Variants in SGCD observed in about 807,000 individuals in gnomAD.
SGCD encodes the protein sarcoglycan delta, also known as delta-sarcoglycan.
A neutral mutation model predicts 36.6 loss-of-function variants in SGCD; 18 were observed. The observed-to-expected ratio is 0.49, with a 90% CI of 0.34 to 0.73. SGCD has a LOEUF of 0.73. SGCD is among the 30% of genes least tolerant of loss of function. The probability of loss-of-function intolerance (pLI) is 0.01; values close to 1 mark genes in which losing one functional copy is unlikely to be tolerated. For synonymous variants in SGCD, 133 were observed against 130.6 expected (o/e 1.02, Z -0.12); for missense variants, 387 against 346.7 (o/e 1.12, Z -0.92).
the SGCD span, among the ~76,000 whole-genome samples, chr5:155,751,747 A>G: frequency 6.6e-6 from 1 of 151,564 alleles, no homozygotes; most frequent in African/African-American, 2.4e-5. Flanking sequence ...CACACACATT[A>G]TTTTGCTCAA....
intron 4 of SGCD, among the ~76,000 whole-genome samples, chr5:156,523,242 T>A (rs1757486841): frequency 6.6e-6 from 1 of 152,168 alleles, no homozygotes; most frequent in Non-Finnish European, 1.5e-5. Context: ...TAAGTGGTAA[T>A]TTTTTAATGA....
chr5:156,703,604 A>G (rs1754616405), intron 7 of SGCD, among the ~76,000 whole-genome samples: 1 of 152,216 alleles, frequency 6.6e-6, no homozygotes, highest in Non-Finnish European at 1.5e-5. Context: ...CAACGCTTTT[A>G]CTAAGAAATG....
At chr5:156,699,209 A>C (rs1209835122) in intron 7 of SGCD, among the ~76,000 whole-genome samples, 1 of 152,060 alleles carries the variant, frequency 6.6e-6, no homozygotes, top group Non-Finnish European at 1.5e-5. Flanking sequence ...CACAGACAGG[A>C]TTTTTCTTTT....
intron 7 of SGCD, among the ~76,000 whole-genome samples, chr5:156,720,005 C>T (rs915855344): frequency 1.3e-5 from 2 of 152,204 alleles, no homozygotes; most frequent in Non-Finnish European, 2.9e-5. Context: ...AAATGCCTTA[C>T]TGCTCCTTCC....
At chr5:156,247,072 G>C (rs375198985) in intron 3 of SGCD, among the ~76,000 whole-genome samples, 28 of 152,312 alleles carry the variant, frequency 1.8e-4, no homozygotes, top group Middle Eastern at 6.8e-3. Context: ...AATAGGAAGT[G>C]ATAATGAAGA....
chr5:156,217,713 T>C (rs1764609638), intron 3 of SGCD, among the ~76,000 whole-genome samples: 2 of 152,140 alleles, frequency 1.3e-5, no homozygotes, highest in Non-Finnish European at 2.9e-5. Context: ...AGGCAGGGCA[T>C]AAATAAATTA....
At chr5:155,999,784 T>C (rs144945509) in intron 1 of SGCD, among the ~76,000 whole-genome samples, 33 of 152,304 alleles carry the variant, frequency 2.2e-4, no homozygotes, top group African/African-American at 7.9e-4. Context: ...AATAAAATCA[T>C]AAACAAAATA....
intron 1 of SGCD, among the ~76,000 whole-genome samples, chr5:156,099,056 A>G (rs557801050): frequency 1.3e-5 from 2 of 152,254 alleles, no homozygotes; most frequent in African/African-American, 4.8e-5. Context: ...CATGCCCCCA[A>G]GTTTGGGGTT....
At chr5:156,072,421 T>C (rs1180712418) in intron 1 of SGCD, among the ~76,000 whole-genome samples, 6 of 152,090 alleles carry the variant, frequency 3.9e-5, no homozygotes, top group African/African-American at 7.2e-5. Context: ...AAATTCTGGG[T>C]TGAAAATTCT....
intron 3 of SGCD, among the ~76,000 whole-genome samples, chr5:156,374,829 C>T (rs1349994427): frequency 6.6e-6 from 1 of 152,020 alleles, no homozygotes; most frequent in Non-Finnish European, 1.5e-5. Context: ...ACACTCCAGC[C>T]GTGGTGTGAG....
chr5:156,210,940 A>C (rs1764424545), intron 3 of SGCD, among the ~76,000 whole-genome samples: 2 of 152,070 alleles, frequency 1.3e-5, no homozygotes, highest in South Asian at 2.1e-4. Context: ...GAAAGAGTGA[A>C]TATCCAGGTA....
chr5:156,504,658 T>G (rs1756618492), intron 3 of SGCD, among the ~76,000 whole-genome samples: 1 of 152,148 alleles, frequency 6.6e-6, no homozygotes, highest in Non-Finnish European at 1.5e-5. Context: ...ACTCTAAAGC[T>G]AAATACTTTC....
At chr5:156,521,675 T>C (rs1294338707) in intron 4 of SGCD, among the ~76,000 whole-genome samples, 1 of 152,152 alleles carries the variant, frequency 6.6e-6, no homozygotes, top group East Asian at 1.9e-4. Context: ...AAAATGGCTA[T>C]TACTGAAAGT....
At chr5:156,565,868 A>G (rs1759458916) in intron 4 of SGCD, among the ~76,000 whole-genome samples, 1 of 152,210 alleles carries the variant, frequency 6.6e-6, no homozygotes, top group African/African-American at 2.4e-5. Flanking sequence ...CCTGCAAATG[A>G]CATGACCTCA....
At chr5:155,915,351 G>T (rs1243254193) in intron 1 of SGCD, among the ~76,000 whole-genome samples, 4 of 152,068 alleles carry the variant, frequency 2.6e-5, no homozygotes, top group African/African-American at 7.2e-5. Context: ...CCCTTTAGGG[G>T]TGACATTTCC....
chr5:156,655,541 C>CA (rs1346013173), intron 7 of SGCD, among the ~76,000 whole-genome samples: 2 of 151,784 alleles, frequency 1.3e-5, no homozygotes, highest in Non-Finnish European at 2.9e-5. Flanking sequence ...CTCAAATTTT[C>CA]AAAAAAACAA....
intron 1 of SGCD, among the ~76,000 whole-genome samples, chr5:156,101,941 T>TGAGA (rs67401229): frequency 4.1e-4 from 57 of 138,348 alleles, no homozygotes; most frequent in South Asian, 3.3e-3. Context: ...TGTGTGTGTG[T>TGAGA]GAGAGAGAGA....
intron 7 of SGCD, among the ~76,000 whole-genome samples, chr5:156,724,035 G>A (rs459055): frequency 0.79 from 120,508 of 152,146 alleles, 48,111 homozygotes; most frequent in East Asian, 0.88. Context: ...TCAAGGTGAT[G>A]ACAGTGGGTG....
intron 3 of SGCD, among the ~76,000 whole-genome samples, chr5:156,451,483 A>G (rs79588585): frequency 3.2e-3 from 490 of 152,272 alleles, no homozygotes; most frequent in African/African-American, 0.011. Flanking sequence ...AATCTTGACA[A>G]AACTTCCCAT....
Sources: gnomAD v4.1 joint callset for allele counts (sites outside exome capture counted in the v4.1 genomes callset) on GRCh38, gnomAD v4.1.1 for gene constraint, MANE v1.5 for transcripts, NCBI Gene and HGNC (gene_info 2026-07-23, HGNC 2026-07-21) for gene names.